Variants in PIP4K2A observed in about 807,000 individuals in gnomAD.
PIP4K2A encodes phosphatidylinositol-5-phosphate 4-kinase type 2 alpha.
A neutral mutation model predicts 42.9 loss-of-function variants in PIP4K2A; 14 were observed. That is an observed-to-expected ratio of 0.33 (90% CI 0.22 to 0.51). PIP4K2A has a LOEUF of 0.51. Among genes scored for constraint, PIP4K2A ranks in the 20% least tolerant of loss-of-function variants. PIP4K2A has a pLI of 0.97. For synonymous variants in PIP4K2A, 192 were observed against 192.2 expected (o/e 1.00, Z 0.01); for missense variants, 434 against 519.8 (o/e 0.83, Z 1.61).
chr10:22,592,255 T>C (rs987573445), intron 3 of PIP4K2A, among the ~76,000 whole-genome samples: 7 of 152,228 alleles, frequency 4.6e-5, no homozygotes, highest in Admixed American at 2.0e-4. Flanking sequence ...ATCACTATTT[T>C]ACAGATGAGG....
chr10:22,597,858 C>G (rs1704620453), intron 3 of PIP4K2A, among the ~76,000 whole-genome samples: 1 of 152,116 alleles, frequency 6.6e-6, no homozygotes. Flanking sequence ...CTGGTTTAGT[C>G]CTCTTCATCT....
chr10:22,652,437 C>T (rs1239515796), intron 1 of PIP4K2A, among the ~76,000 whole-genome samples: 1 of 152,058 alleles, frequency 6.6e-6, no homozygotes, highest in Admixed American at 6.6e-5. Flanking sequence ...TTTAACTATC[C>T]ACTTTAGCAA....
chr10:22,569,168 T>C, intron 5 of PIP4K2A: 2 of 775,434 alleles, frequency 2.6e-6, no homozygotes, highest in Non-Finnish European at 4.3e-6. Context: ...AAGAGACTCC[T>C]CACATTGGGG....
intron 5 of PIP4K2A, 102 bp downstream of exon 5, chr10:22,573,209 T>C (rs1488399614): frequency 9.6e-7 from 1 of 1,045,134 alleles, no homozygotes. Flanking sequence ...TAGCTTTAAG[T>C]GCTGAGCGGC....
At chr10:22,613,746 T>G (rs369905278) in intron 1 of PIP4K2A, among the ~76,000 whole-genome samples, 16 of 152,152 alleles carry the variant, frequency 1.1e-4, no homozygotes, top group Admixed American at 9.8e-4. Context: ...CCAAGTGAAC[T>G]TGTGGATGAC....
At chr10:22,548,606 T>A (rs917503537) in intron 7 of PIP4K2A, among the ~76,000 whole-genome samples, 1 of 152,148 alleles carries the variant, frequency 6.6e-6, no homozygotes, top group African/African-American at 2.4e-5. Flanking sequence ...ATCAAACAGA[T>A]CCCAAAGCAA....
chr10:22,588,934 GC>G (rs1837454635), intron 4 of PIP4K2A, among the ~76,000 whole-genome samples: 1 of 152,184 alleles, frequency 6.6e-6, no homozygotes, highest in Admixed American at 6.5e-5. Flanking sequence ...TACTGTTAAA[GC>G]CCCTGGGAGG....
rs182567609 is a variant in PIP4K2A at position 22,573,384 on chromosome 10, A to G, written c.566T>C (p.Val189Ala). 1 of 1,613,588 alleles carries G rather than the reference A, an allele frequency of 6.2e-7. No individual in the cohort carries two copies. The highest frequency in any genetic ancestry group is 2.2e-5 in the East Asian group (1 of 44,874). The change falls in exon 5 of 10, where the codon GTT (valine) becomes GCT (alanine). Residue 189 changes from valine (V) to alanine (A), a missense_variant. Physicochemically the swap from Val to Ala is moderately conservative, Grantham distance 64 (BLOSUM62 0). This residue lies in a region of PIP4K2A where 395 missense variants were observed against 444.5 expected (regional missense o/e 0.89). Coordinates refer to ENST00000376573, the MANE Select transcript of PIP4K2A (RefSeq NM_005028.5). The stretch of plus-strand genomic sequence containing the variant: ...TCTTGTAACTATCACATATATTTCA[A>G]CTCCATCAACATTAAGCCGGTACAT... ...LGMYRLNVDGVEIYVIVTRNV... is the reference protein window; with the variant it reads ...LGMYRLNVDGAEIYVIVTRNV...
intron 6 of PIP4K2A, among the ~76,000 whole-genome samples, chr10:22,562,532 G>A (rs1001922991): frequency 5.9e-5 from 9 of 152,240 alleles, no homozygotes; most frequent in African/African-American, 2.2e-4. Context: ...CTGGGTGACA[G>A]AGCGAGACTC....
At chr10:22,583,259 A>G (rs1837318505) in intron 4 of PIP4K2A, among the ~76,000 whole-genome samples, 1 of 152,248 alleles carries the variant, frequency 6.6e-6, no homozygotes, top group Non-Finnish European at 1.5e-5. Context: ...GCTGGCAGGG[A>G]GCTTTGACAA....
intron 8 of PIP4K2A, among the ~76,000 whole-genome samples, chr10:22,540,656 C>T (rs1177492147): frequency 3.3e-5 from 5 of 152,140 alleles, no homozygotes; most frequent in Non-Finnish European, 5.9e-5. Context: ...CTCCCGAGTT[C>T]AAGTGACTCC....
At chr10:22,710,286 C>T (rs1340214973) in intron 1 of PIP4K2A, among the ~76,000 whole-genome samples, 1 of 152,200 alleles carries the variant, frequency 6.6e-6, no homozygotes, top group Non-Finnish European at 1.5e-5. Flanking sequence ...CTCTATTACT[C>T]GGACAGAGAC....
chr10:22,569,614 T>C (rs1415375011), intron 5 of PIP4K2A, among the ~76,000 whole-genome samples: 2 of 152,170 alleles, frequency 1.3e-5, no homozygotes, highest in Non-Finnish European at 2.9e-5. Context: ...AAGAAACTAT[T>C]CTACTTTGAA....
chr10:22,681,164 C>T (rs1243758101), intron 1 of PIP4K2A, among the ~76,000 whole-genome samples: 1 of 152,174 alleles, frequency 6.6e-6, no homozygotes, highest in Non-Finnish European at 1.5e-5. Flanking sequence ...AAGTGTCTTG[C>T]TTTGGCCAAT....
chr10:22,583,839 T>C (rs974192347), intron 4 of PIP4K2A, among the ~76,000 whole-genome samples: 1 of 152,218 alleles, frequency 6.6e-6, no homozygotes, highest in Non-Finnish European at 1.5e-5. Context: ...GCGTGTACGG[T>C]CTGCAGAAGG....
intron 3 of PIP4K2A, among the ~76,000 whole-genome samples, chr10:22,599,365 A>G (rs1044041441): frequency 3.9e-5 from 6 of 152,132 alleles, no homozygotes; most frequent in African/African-American, 9.7e-5. Context: ...TTGTCTCTAT[A>G]TATCTGCCCA....
chr10:22,602,972 TG>T (rs1243300610), intron 3 of PIP4K2A, among the ~76,000 whole-genome samples: 1 of 152,132 alleles, frequency 6.6e-6, no homozygotes, highest in Non-Finnish European at 1.5e-5. Flanking sequence ...AATCTACAAG[TG>T]AAAGTTTCAG....
intron 1 of PIP4K2A, among the ~76,000 whole-genome samples, chr10:22,692,255 C>A (rs971289492): frequency 6.6e-6 from 1 of 151,842 alleles, no homozygotes; most frequent in Non-Finnish European, 1.5e-5. Flanking sequence ...ATAGGGTTTG[C>A]GCTCCTATGA....
intron 1 of PIP4K2A, among the ~76,000 whole-genome samples, chr10:22,711,883 AAAT>A (rs1833917728): frequency 6.6e-6 from 1 of 152,174 alleles, no homozygotes; most frequent in Non-Finnish European, 1.5e-5. Context: ...CTTTTTTCAA[AAAT>A]AATATAGTAA....
Sources: gnomAD v4.1 joint callset for allele counts (sites outside exome capture counted in the v4.1 genomes callset) on GRCh38, gnomAD v4.1.1 for gene constraint, gnomAD v4.1.1 regional missense constraint, MANE v1.5 for transcripts, NCBI Gene and HGNC (gene_info 2026-07-23, HGNC 2026-07-21) for gene names.